CORIN: variants seen among roughly 807,000 people sequenced by gnomAD.
CORIN encodes corin, serine peptidase.
Under a neutral mutation model 125.3 loss-of-function variants are expected in CORIN, and 117 were observed. The observed-to-expected ratio is 0.93, with a 90% CI of 0.80 to 1.09. CORIN has a LOEUF of 1.09. Ranked by LOEUF, CORIN falls within the 50% of genes least tolerant of loss-of-function variation. The pLI, the probability that CORIN is intolerant of heterozygous loss-of-function variation, is 0.00. For missense variants in CORIN, 1,253 were observed against 1,306.7 expected, an observed-to-expected ratio of 0.96 and a Z score of 0.63; for synonymous variants, 450 against 466.4, an observed-to-expected ratio of 0.96 and a Z score of 0.45.
At chr4:47,609,781 G>C (rs1245910722) in intron 19 of CORIN, among the ~76,000 whole-genome samples, 1 of 152,106 alleles carries the variant, frequency 6.6e-6, no homozygotes, top group Non-Finnish European at 1.5e-5. Flanking sequence ...ACAGGCCTCA[G>C]TGTGTGTTAT....
intron 1 of CORIN, among the ~76,000 whole-genome samples, chr4:47,837,022 C>T (rs1733466288): frequency 6.6e-6 from 1 of 152,222 alleles, no homozygotes; most frequent in Non-Finnish European, 1.5e-5. Flanking sequence ...TTCCTGGGGG[C>T]TCAGGCCAGT....
chr4:47,731,004 T>C (rs543172567), intron 5 of CORIN, among the ~76,000 whole-genome samples: 1 of 152,034 alleles, frequency 6.6e-6, no homozygotes, highest in South Asian at 2.1e-4. Context: ...CCGGTGGTTG[T>C]GGAGATAGTG....
chr4:47,746,534 C>T (rs961183740), intron 4 of CORIN, among the ~76,000 whole-genome samples: 4 of 151,964 alleles, frequency 2.6e-5, no homozygotes, highest in East Asian at 1.9e-4. Context: ...GAAAGCACAA[C>T]GCAAATCTTT....
intron 4 of CORIN, among the ~76,000 whole-genome samples, chr4:47,761,139 A>G (rs1173208708): frequency 6.6e-6 from 1 of 152,224 alleles, no homozygotes; most frequent in Non-Finnish European, 1.5e-5. Flanking sequence ...TCACGGATGT[A>G]GCACTGTTTG....
chr4:47,605,050 C>T (rs1054512496), intron 19 of CORIN, among the ~76,000 whole-genome samples: 1 of 152,058 alleles, frequency 6.6e-6, no homozygotes, highest in African/African-American at 2.4e-5. Context: ...CCTGATGTTC[C>T]CCCAGCTCTC....
rs530819660 is a variant in CORIN, at chr4:47,837,963, C to T, written c.-14G>A. On this transcript the variant is annotated 5_prime_UTR_variant, in exon 1 of 22. Transcript: ENST00000273857. ...AGACTGTTTCATGGATAAAAAGTCT[C>T]GCTTATTCTTCTGTCCACTTTTATC... 35 of 1,611,294 alleles carry T rather than the reference C, an allele frequency of 2.2e-5. No individual in the cohort carries two copies. The South Asian group carries it at 2.5e-4, about 12-fold the overall frequency.
chr4:47,732,708 C>T (rs1727933592), intron 5 of CORIN, among the ~76,000 whole-genome samples: 1 of 152,004 alleles, frequency 6.6e-6, no homozygotes. Flanking sequence ...GGATTACAGG[C>T]ACACGCCACC....
At chr4:47,635,186 G>T (rs907005204) in intron 16 of CORIN, among the ~76,000 whole-genome samples, 1 of 152,162 alleles carries the variant, frequency 6.6e-6, no homozygotes, top group African/African-American at 2.4e-5. Flanking sequence ...ATAGACAAGG[G>T]TTAAAACTGA....
At chr4:47,763,309 A>T in intron 4 of CORIN, 70 bp downstream of exon 4, 2 of 1,240,324 alleles carry the variant, frequency 1.6e-6, no homozygotes, top group East Asian at 2.5e-5. Flanking sequence ...CATTTGGATA[A>T]TTTTTTTTCT....
At chr4:47,795,242 G>A (rs113788442) in intron 2 of CORIN, among the ~76,000 whole-genome samples, 25 of 152,078 alleles carry the variant, frequency 1.6e-4, no homozygotes, top group African/African-American at 3.9e-4. Flanking sequence ...TATCTTTGTC[G>A]TTTCTGCTCA....
At chr4:47,718,384 C>T (rs1252833361) in intron 5 of CORIN, among the ~76,000 whole-genome samples, 1 of 152,062 alleles carries the variant, frequency 6.6e-6, no homozygotes, top group Non-Finnish European at 1.5e-5. Context: ...AAATGATGAG[C>T]CCTAGTTTCT....
chr4:47,713,645 G>C (rs961855483), intron 5 of CORIN, among the ~76,000 whole-genome samples: 3 of 151,924 alleles, frequency 2.0e-5, no homozygotes, highest in Non-Finnish European at 4.4e-5. Context: ...AGAGTGTGTC[G>C]CTCTTCTCCA....
intron 2 of CORIN, among the ~76,000 whole-genome samples, chr4:47,799,843 A>G (rs1731460718): frequency 6.6e-6 from 1 of 152,240 alleles, no homozygotes; most frequent in Admixed American, 6.5e-5. Flanking sequence ...AAAGGTGGAA[A>G]TAACCCAAAT....
At chr4:47,683,865 G>A (rs375461897) in intron 6 of CORIN, 27 bp from the exon 7 acceptor site, 1 of 1,525,310 alleles carries the variant, frequency 6.6e-7, no homozygotes, top group African/African-American at 1.4e-5. Flanking sequence ...CCACCAGTGT[G>A]TCATCAGAGC....
intron 7 of CORIN, 131 bp from the exon 8 acceptor site, chr4:47,680,382 A>T: frequency 1.6e-6 from 1 of 634,500 alleles, no homozygotes; most frequent in Middle Eastern, 2.6e-4. Context: ...TTTCTACAAT[A>T]GGTCTGGCCC....
intron 3 of CORIN, among the ~76,000 whole-genome samples, chr4:47,780,505 T>C (rs1301538874): frequency 1.3e-5 from 2 of 150,994 alleles, no homozygotes; most frequent in African/African-American, 2.4e-5. Flanking sequence ...AATTGAGGAG[T>C]AGGAAATAAT....
intron 12 of CORIN, 63 bp downstream of exon 12, chr4:47,661,648 C>A: frequency 7.1e-7 from 1 of 1,405,850 alleles, no homozygotes; most frequent in South Asian, 1.5e-5. Context: ...AGAAGAAATT[C>A]AAAAGGTAGC....
At position 47,799,133 on chromosome 4, in the gene CORIN, G is replaced by GTT. The variant is rs1428778951; in HGVS notation, c.208+7769_208+7770insAA. Among the ~76,000 whole-genome samples, 3 of 151,794 alleles carry GTT rather than the reference G, an allele frequency of 2.0e-5. No homozygotes were observed. The East Asian group carries it at 5.8e-4, about 29-fold the overall frequency. ...TGTGTGTGTGTGTGTGTGTGTGTGT[G>GTT]TGTGTGTGTGTGTATGTCTCCCATG... On this transcript the variant is annotated intron_variant, in intron 2 of 21. Coordinates refer to ENST00000273857, the MANE Select transcript of CORIN (RefSeq NM_006587.4).
At chr4:47,661,609 AG>A in intron 12 of CORIN, 101 bp downstream of exon 12, 1 of 1,122,802 alleles carries the variant, frequency 8.9e-7, no homozygotes, top group Non-Finnish European at 1.2e-6. Context: ...GAAACTAAAT[AG>A]AAAACAAACA....
Sources: gnomAD v4.1 joint callset for allele counts (sites outside exome capture counted in the v4.1 genomes callset) on GRCh38, gnomAD v4.1.1 for gene constraint, MANE v1.5 for transcripts, NCBI Gene and HGNC (gene_info 2026-07-23, HGNC 2026-07-21) for gene names.